UBR3: variants seen among roughly 807,000 people sequenced by gnomAD.
UBR3 encodes the protein ubiquitin protein ligase E3 component n-recognin 3.
A neutral mutation model predicts 243.2 loss-of-function variants in UBR3; 85 were observed. The observed-to-expected ratio is 0.35, with a 90% CI of 0.29 to 0.42. UBR3 has a LOEUF of 0.42. Among genes scored for constraint, UBR3 ranks in the 10% least tolerant of loss-of-function variants. The probability of loss-of-function intolerance (pLI) is 1.00; values close to 1 mark genes in which losing one functional copy is unlikely to be tolerated. For synonymous variants in UBR3, 748 were observed against 799.8 expected (o/e 0.94, Z 1.09); for missense variants, 1,686 against 2,300.8 (o/e 0.73, Z 5.47).
At position 169,966,591 on chromosome 2, in the gene UBR3, T is replaced by A. The variant is rs541417098; in HGVS notation, c.3634+8065T>A. On this transcript the variant is annotated intron_variant, in intron 24 of 38. Transcript: ENST00000272793. Reference sequence around the variant, plus strand: ...AGTCTGTACTTCTTTGGGGAAGCAGTATAGTGTAGTGGTTGTGAGCATGGA... The same window carrying A: ...AGTCTGTACTTCTTTGGGGAAGCAGAATAGTGTAGTGGTTGTGAGCATGGA... Among the ~76,000 whole-genome samples, 28 of 152,282 alleles carry A rather than the reference T, an allele frequency of 1.8e-4. No homozygotes were observed. In the East Asian group the frequency reaches 4.0e-3, roughly 22 times the overall value.
intron 5 of UBR3, among the ~76,000 whole-genome samples, chr2:169,883,483 A>G (rs913959943): frequency 7.2e-5 from 11 of 152,232 alleles, no homozygotes; most frequent in African/African-American, 2.2e-4. Flanking sequence ...GTCCAGATTC[A>G]GTGGGAGGTG....
chr2:170,039,816 G>T (rs184506164), intron 31 of UBR3, among the ~76,000 whole-genome samples: 4 of 152,070 alleles, frequency 2.6e-5, no homozygotes, highest in African/African-American at 7.2e-5. Context: ...TTTAGAATAA[G>T]CTCTGCTTTA....
intron 5 of UBR3, among the ~76,000 whole-genome samples, chr2:169,890,534 G>GATATATAT (rs1329333538): frequency 1.4e-3 from 25 of 17,462 alleles, no homozygotes; most frequent in African/African-American, 4.2e-3. Flanking sequence ...AGGAGAGAGA[G>GATATATAT]AGAGAGATAT....
chr2:170,008,975 T>TA, intron 29 of UBR3, 35 bp downstream of exon 29: 1 of 1,301,328 alleles, frequency 7.7e-7, no homozygotes, highest in Non-Finnish European at 1.0e-6. Flanking sequence ...TTAGTTTACT[T>TA]ACTATTAATA....
chr2:169,920,760 G>A (rs11692133), intron 11 of UBR3, among the ~76,000 whole-genome samples: 17,309 of 152,130 alleles, frequency 0.11, 1,218 homozygotes, highest in Admixed American at 0.19. Flanking sequence ...TTGCTCAAGC[G>A]GGGGTAGATG....
chr2:169,994,062 A>G (rs2089394526), intron 25 of UBR3, among the ~76,000 whole-genome samples: 1 of 152,184 alleles, frequency 6.6e-6, no homozygotes, highest in African/African-American at 2.4e-5. Context: ...CAGTGGACAG[A>G]TTTAGGAACC....
intron 27 of UBR3, among the ~76,000 whole-genome samples, chr2:170,001,929 AAAAAAAAAAAAAAG>A (rs58146532): frequency 0.037 from 5,488 of 146,732 alleles, 231 homozygotes; most frequent in African/African-American, 0.097. Context: ...AAAAAAAAAA[AAAAAAAAAAAAAAG>A]AAAGAAAAAT....
intron 26 of UBR3, among the ~76,000 whole-genome samples, chr2:169,995,930 T>G (rs769241204): frequency 1.1e-4 from 17 of 152,234 alleles, no homozygotes; most frequent in Non-Finnish European, 2.1e-4. Flanking sequence ...TTTTTAAATC[T>G]ACTGTGTCTT....
In UBR3 at chr2:169,834,308, G is replaced by A. The variant is rs566203174; in HGVS notation, c.545+6256G>A. ...TTTTGTAATGTACTATGATTTTTGC[G>A]GTCAGTCCCTACTGATAGACATTTA... On this transcript the variant is annotated intron_variant, in intron 1 of 38. Coordinates refer to ENST00000272793, the MANE Select transcript of UBR3 (RefSeq NM_172070.4). 3.3e-5 allele frequency among the ~76,000 whole-genome samples: 5 copies of A among 152,160 alleles called. No homozygotes were observed. The East Asian group carries it at 5.8e-4, about 18-fold the overall frequency.
chr2:169,927,118 G>A, intron 16 of UBR3, 147 bp downstream of exon 16: 1 of 1,128,914 alleles, frequency 8.9e-7, no homozygotes, highest in South Asian at 1.7e-5. Context: ...TTGTACTGTA[G>A]GTATACCTTT....
In UBR3 at chr2:169,887,712, A is replaced by G. The variant is rs146535094; in HGVS notation, c.1039-3453A>G. On this transcript the variant is annotated intron_variant, in intron 5 of 38. Coordinates refer to ENST00000272793, the MANE Select transcript of UBR3 (RefSeq NM_172070.4). ...AAAAGATAACATTACCTAAATCTCT[A>G]TCACTTAGTGGTGACTCACTGTAAA... Among the ~76,000 whole-genome samples, 866 of 152,276 alleles carry G rather than the reference A, an allele frequency of 5.7e-3. 8 individuals carry two copies. The highest frequency in any genetic ancestry group is 0.02 in the African/African-American group (817 of 41,568).
intron 1 of UBR3, among the ~76,000 whole-genome samples, chr2:169,870,348 T>C (rs987242972): frequency 5.9e-5 from 9 of 152,138 alleles, no homozygotes; most frequent in African/African-American, 2.2e-4. Context: ...AGGCTGGTTT[T>C]GAACTCCTGG....
intron 24 of UBR3, chr2:169,964,768 A>T (rs1334556460): frequency 7.1e-6 from 3 of 422,504 alleles, no homozygotes; most frequent in Non-Finnish European, 1.4e-5. Flanking sequence ...TTTGAATGTC[A>T]TAAGTGCAAA....
chr2:169,838,845 C>G (rs904014842), intron 1 of UBR3, among the ~76,000 whole-genome samples: 2 of 152,224 alleles, frequency 1.3e-5, no homozygotes, highest in Non-Finnish European at 2.9e-5. Context: ...TGGCAGATTT[C>G]TCTCTAGCTG....
intron 32 of UBR3, among the ~76,000 whole-genome samples, chr2:170,053,684 G>T (rs187275694): frequency 1.4e-4 from 22 of 152,312 alleles, no homozygotes; most frequent in African/African-American, 5.3e-4. Context: ...CTAGTCCAGG[G>T]TGTTGAAACT....
At chr2:169,920,429 C>T in intron 11 of UBR3, among the ~76,000 whole-genome samples, 1 of 151,534 alleles carries the variant, frequency 6.6e-6, no homozygotes. Context: ...AACAAACCTG[C>T]ACATTGTGCA....
intron 27 of UBR3, among the ~76,000 whole-genome samples, chr2:170,005,855 G>A (rs1323990351): frequency 1.3e-5 from 2 of 152,102 alleles, no homozygotes; most frequent in Non-Finnish European, 2.9e-5. Flanking sequence ...GTTGCAGGCA[G>A]TAGGTGGCAG....
chr2:170,039,743 C>T (rs1270930082), intron 31 of UBR3, among the ~76,000 whole-genome samples: 1 of 152,120 alleles, frequency 6.6e-6, no homozygotes, highest in Non-Finnish European at 1.5e-5. Context: ...CTTTTCTTCT[C>T]TGTCATTAAA....
At chr2:169,966,850 ATCAT>A (rs2087834112) in intron 24 of UBR3, among the ~76,000 whole-genome samples, 1 of 152,148 alleles carries the variant, frequency 6.6e-6, no homozygotes, top group African/African-American at 2.4e-5. Flanking sequence ...AGCTTGCTTA[ATCAT>A]TCACCCACAA....
Sources: gnomAD v4.1 joint callset for allele counts (sites outside exome capture counted in the v4.1 genomes callset) on GRCh38, gnomAD v4.1.1 for gene constraint, MANE v1.5 for transcripts, NCBI Gene and HGNC (gene_info 2026-07-23, HGNC 2026-07-21) for gene names.